The following CRISPLD2 variants were observed in gnomAD, a reference collection of about 807,000 sequenced individuals.
The protein encoded by CRISPLD2 is cysteine rich secretory protein LCCL domain containing 2, also known as cysteine-rich secretory protein LCCL domain-containing 2.
Under a neutral mutation model 71.1 loss-of-function variants are expected in CRISPLD2, and 47 were observed. The observed-to-expected ratio is 0.66, with a 90% CI of 0.52 to 0.84. The LOEUF (loss-of-function observed/expected upper bound fraction) is 0.84. CRISPLD2 is among the 40% of genes least tolerant of loss of function. The pLI is 0.00. For missense variants in CRISPLD2, 830 were observed against 651.1 expected, an observed-to-expected ratio of 1.27 and a Z score of -2.99; for synonymous variants, 317 against 250.1, an observed-to-expected ratio of 1.27 and a Z score of -2.52.
In CRISPLD2 at chr16:84,906,645, T is replaced by C; in HGVS notation, c.*3T>C. 1 of 1,614,130 alleles carries C rather than the reference T, an allele frequency of 6.2e-7. No individual in the cohort carries two copies. Among genetic ancestry groups the C allele is most frequent in the Non-Finnish European group, 8.5e-7 (1 of 1,180,024 alleles). ...GGATCTTTGCTGTCAGGCAGTGAAT[T>C]TCCAGCACCAGGGGAGAAGGGGCGT... On this transcript the variant is annotated 3_prime_UTR_variant, in exon 15 of 15. Coordinates refer to ENST00000262424, the MANE Select transcript of CRISPLD2 (RefSeq NM_031476.4).
chr16:84,848,985 CAAAAAA>C (rs11389223), intron 3 of CRISPLD2, among the ~76,000 whole-genome samples: 1 of 106,768 alleles, frequency 9.4e-6, no homozygotes, highest in Non-Finnish European at 1.8e-5. Context: ...GACTCCGTCT[CAAAAAA>C]AAAAAAAAAA....
chr16:84,875,157 C>CTT (rs1382869305), intron 11 of CRISPLD2, among the ~76,000 whole-genome samples: 1 of 152,012 alleles, frequency 6.6e-6, no homozygotes, highest in Non-Finnish European at 1.5e-5. Context: ...GGGAGGGTTG[C>CTT]TTGAGCCTGG....
chr16:84,849,096 C>T lies in CRISPLD2; in HGVS notation c.360-289C>T, dbSNP rs73250073. On this transcript the variant is annotated intron_variant, in intron 3 of 14. Transcript: ENST00000262424. ...GAGCCTACTAGAGACCCCAGGTGAG[C>T]TCCTCAAGGATAATGGTATTAAGCA... The T allele has an allele frequency of 1.9e-3, 608 of 312,886 alleles. 2 individuals are homozygous for T. The highest frequency in any genetic ancestry group is 0.011 in the African/African-American group (544 of 48,162). The allele number at this position is 312,886 out of a possible 1,614,324, so 19.4% of individuals were successfully genotyped here.
chr16:84,883,326 G>C (rs967144206), intron 13 of CRISPLD2, among the ~76,000 whole-genome samples: 1 of 152,184 alleles, frequency 6.6e-6, no homozygotes, highest in Non-Finnish European at 1.5e-5. Context: ...TCCTGCCTGC[G>C]GCTCCCGCCT....
intron 5 of CRISPLD2, among the ~76,000 whole-genome samples, chr16:84,851,513 T>G (rs1186891397): frequency 6.6e-6 from 1 of 152,188 alleles, no homozygotes; most frequent in Non-Finnish European, 1.5e-5. Context: ...ATTTATTTGT[T>G]TTGGGTCAGG....
chr16:84,855,166 G>C (rs146578483), intron 6 of CRISPLD2, among the ~76,000 whole-genome samples: 3 of 152,116 alleles, frequency 2.0e-5, no homozygotes, highest in Non-Finnish European at 2.9e-5. Flanking sequence ...AATAGGCCAC[G>C]GGCTGGACAT....
chr16:84,825,509 A>G (rs1428147473), intron 1 of CRISPLD2, among the ~76,000 whole-genome samples: 1 of 152,172 alleles, frequency 6.6e-6, no homozygotes, highest in Non-Finnish European at 1.5e-5. Context: ...TAGTCTCAGC[A>G]CTTTGGGAGG....
intron 13 of CRISPLD2, among the ~76,000 whole-genome samples, chr16:84,887,997 G>C (rs2071627969): frequency 2.0e-5 from 3 of 152,256 alleles, no homozygotes; most frequent in Admixed American, 2.0e-4. Context: ...GTTAGAAGCT[G>C]TTAGGTTCCT....
chr16:84,854,043 G>A (rs1198649121), intron 5 of CRISPLD2, among the ~76,000 whole-genome samples: 1 of 152,232 alleles, frequency 6.6e-6, no homozygotes, highest in African/African-American at 2.4e-5. Context: ...GAGGGAGGCA[G>A]AGGGCAACTG....
At chr16:84,888,698 C>T (rs1039095235) in intron 13 of CRISPLD2, among the ~76,000 whole-genome samples, 21 of 152,178 alleles carry the variant, frequency 1.4e-4, no homozygotes, top group African/African-American at 4.8e-4. Flanking sequence ...GAGTTTATAT[C>T]CACCCCAGGG....
intron 12 of CRISPLD2, among the ~76,000 whole-genome samples, chr16:84,879,111 C>T (rs575832574): frequency 6.6e-6 from 1 of 152,202 alleles, no homozygotes; most frequent in African/African-American, 2.4e-5. Flanking sequence ...TGACTGCCAC[C>T]CCACTTCAGG....
intron 1 of CRISPLD2, among the ~76,000 whole-genome samples, chr16:84,824,508 C>G (rs1916303768): frequency 6.6e-6 from 1 of 152,184 alleles, no homozygotes. Flanking sequence ...TTTCCATTCT[C>G]TGTTCTTCCG....
At chr16:84,838,864 C>T in intron 2 of CRISPLD2, 129 bp downstream of exon 2, 2 of 1,175,740 alleles carry the variant, frequency 1.7e-6, no homozygotes, top group Non-Finnish European at 1.2e-6. Context: ...TCTCCTCTGG[C>T]AGGGGAGGAT....
chr16:84,824,928 A>AC lies in CRISPLD2; in HGVS notation c.-75+4799dup, dbSNP rs1916312973. 2.0e-5 allele frequency among the ~76,000 whole-genome samples: 3 copies of AC among 151,836 alleles called. No individual in the cohort carries two copies. The South Asian group carries it at 6.3e-4, about 32-fold the overall frequency. ...AGACCAGCCTGACCAACAAGGTGAA[A>AC]CCCCATCTCTACTAAAAATACAAAA... On this transcript the variant is annotated intron_variant, in intron 1 of 14. Coordinates refer to ENST00000262424, the MANE Select transcript of CRISPLD2 (RefSeq NM_031476.4).
At position 84,825,747 on chromosome 16, in the gene CRISPLD2, T is replaced by G. The variant is rs937439376; in HGVS notation, c.-75+5614T>G. Among the ~76,000 whole-genome samples the G allele has an allele frequency of 2.5e-4, 38 of 151,246 alleles. 1 individual carries two copies. Among genetic ancestry groups the G allele is most frequent in the African/African-American group, 9.0e-4 (37 of 41,060 alleles). ...TCCAGCCTGGGTGACAGAGCGAGAC[T>G]CCATCTCAAATAAATAAATAAATAA... On this transcript the variant is annotated intron_variant, in intron 1 of 14. Transcript: ENST00000262424.
At chr16:84,900,885 C>CT (rs2071747514) in intron 14 of CRISPLD2, among the ~76,000 whole-genome samples, 2 of 151,952 alleles carry the variant, frequency 1.3e-5, no homozygotes, top group Non-Finnish European at 2.9e-5. Flanking sequence ...AATCCCATCT[C>CT]TAAAAAATAC....
intron 6 of CRISPLD2, among the ~76,000 whole-genome samples, chr16:84,860,865 A>G (rs1028811171): frequency 2.6e-5 from 4 of 152,200 alleles, no homozygotes; most frequent in Non-Finnish European, 5.9e-5. Context: ...TACAGGAGAT[A>G]AGACTCACTC....
At chr16:84,876,446 G>A (rs1402612347) in intron 11 of CRISPLD2, among the ~76,000 whole-genome samples, 2 of 152,044 alleles carry the variant, frequency 1.3e-5, no homozygotes, top group African/African-American at 2.4e-5. Context: ...AGGTTGCAGT[G>A]AGCCAAGATC....
At chr16:84,854,378 G>T (rs1473084794) in intron 5 of CRISPLD2, among the ~76,000 whole-genome samples, 3 of 152,128 alleles carry the variant, frequency 2.0e-5, no homozygotes. Flanking sequence ...AGGGGGTCCT[G>T]GCAGCTTTTC....
Sources: gnomAD v4.1 joint callset for allele counts (sites outside exome capture counted in the v4.1 genomes callset) on GRCh38, gnomAD v4.1.1 for gene constraint, MANE v1.5 for transcripts, NCBI Gene and HGNC (gene_info 2026-07-23, HGNC 2026-07-21) for gene names.